Variants in BCL9 observed in about 807,000 individuals in gnomAD.
The protein encoded by BCL9 is B-cell CLL/lymphoma 9 protein.
A neutral mutation model predicts 88.5 loss-of-function variants in BCL9; 25 were observed. The observed-to-expected ratio is 0.28, with a 90% confidence interval of 0.21 to 0.39. The LOEUF is 0.39. Ranked by LOEUF, BCL9 falls within the 10% of genes least tolerant of loss-of-function variation. BCL9 has a pLI of 1.00. For synonymous variants in BCL9, 711 were observed against 673.3 expected, an observed-to-expected ratio of 1.06 and a Z score of -0.87; for missense variants, 1,817 against 1,877.8, an observed-to-expected ratio of 0.97 and a Z score of 0.60.
chr1:147,586,868 C>T (rs1320309617), intron 1 of BCL9, among the ~76,000 whole-genome samples: 1 of 152,144 alleles, frequency 6.6e-6, no homozygotes, highest in Non-Finnish European at 1.5e-5. Flanking sequence ...ACTCCTTAGC[C>T]TTAAATTTAA....
chr1:147,605,116 A>G (rs1553201807), intron 2 of BCL9, among the ~76,000 whole-genome samples: 7 of 152,234 alleles, frequency 4.6e-5, no homozygotes, highest in African/African-American at 1.7e-4. Context: ...GACTTGTACA[A>G]TAACTCATTT....
At chr1:147,593,487 G>T (rs926604443) in intron 1 of BCL9, among the ~76,000 whole-genome samples, 1 of 151,966 alleles carries the variant, frequency 6.6e-6, no homozygotes, top group African/African-American at 2.4e-5. Flanking sequence ...TCTTCTGTAC[G>T]CCCAAAACAC....
chr1:147,620,740 C>T lies in BCL9; in HGVS notation c.2585C>T (p.Pro862Leu), dbSNP rs782558248. The T allele has an allele frequency of 1.7e-5, 28 of 1,614,026 alleles. No individual in the cohort carries two copies. The highest frequency in any genetic ancestry group is 2.4e-5 in the Non-Finnish European group (28 of 1,180,054). ...CAGGTGCATTCCCCAGGCATTAACC[C>T]TCTGAAGTCTCCCACGATGCACCAA... is the stretch of plus-strand genomic sequence containing the variant. ...GSQVHSPGIN[P>L]LKSPTMHQVQ... Residue 862 changes from proline to leucine, a missense_variant, in exon 8 of 10, where the codon CCT becomes CTT. This residue lies in a region of BCL9 where 1,228 missense variants were observed against 1,191.6 expected (regional missense o/e 1.03). Transcript: ENST00000234739.
chr1:147,552,099 T>G (rs1485541852), intron 1 of BCL9, among the ~76,000 whole-genome samples: 2 of 152,024 alleles, frequency 1.3e-5, no homozygotes, highest in Non-Finnish European at 2.9e-5. Flanking sequence ...TACCAATGGA[T>G]CAAAAGAACT....
chr1:147,563,536 G>A (rs931306898), intron 1 of BCL9, among the ~76,000 whole-genome samples: 1 of 152,218 alleles, frequency 6.6e-6, no homozygotes, highest in Non-Finnish European at 1.5e-5. Context: ...AAAGTCAGGG[G>A]AAGGTATGAC....
intron 1 of BCL9, among the ~76,000 whole-genome samples, chr1:147,547,549 G>A (rs1553194373): frequency 6.6e-6 from 1 of 151,992 alleles, no homozygotes; most frequent in Non-Finnish European, 1.5e-5. Flanking sequence ...TTTCTCATCT[G>A]GAAAAAAATA....
Position 147,624,329 on chromosome 1 carries a change from C to A in BCL9, c.3651C>A (p.Asp1217Glu). 6.2e-7 allele frequency: 1 copy of A among 1,614,130 alleles called. No individual in the cohort carries two copies. The highest frequency in any genetic ancestry group is 8.5e-7 in the Non-Finnish European group (1 of 1,180,016). Residue 1217 changes from aspartate (D) to glutamate (E), a missense_variant, in exon 10 of 10, where the codon GAC becomes GAA. Around this residue, in one of 2 missense-constraint regions of BCL9, gnomAD observed 589 missense variants for 686.2 expected, o/e 0.86. Coordinates refer to ENST00000234739, the MANE Select transcript of BCL9 (RefSeq NM_004326.4). This position sits in a 1 kb window ranked among gnomAD's most constrained non-coding sequence, Gnocchi z 4.4. ...LGNSMPSVFT[D>E]PDLQEVIRPG... is the part of the protein sequence containing the mutation. ...ACAGCATGCCTTCGGTGTTTACAGACCCAGATCTGCAGGAGGTCATCCGAC... is the reference window on the plus strand; with the variant it reads ...ACAGCATGCCTTCGGTGTTTACAGAACCAGATCTGCAGGAGGTCATCCGAC...
intron 1 of BCL9, among the ~76,000 whole-genome samples, chr1:147,559,391 G>C (rs1440672821): frequency 1.3e-5 from 2 of 151,878 alleles, no homozygotes; most frequent in Non-Finnish European, 2.9e-5. Context: ...TCTCTCTCTT[G>C]TCTATAAACA....
intron 2 of BCL9, among the ~76,000 whole-genome samples, chr1:147,606,583 G>A (rs925070620): frequency 7.9e-5 from 12 of 152,190 alleles, no homozygotes; most frequent in African/African-American, 2.9e-4. Flanking sequence ...AGCCACAAGA[G>A]CCTTGAACTG....
chr1:147,561,564 T>C (rs1655375406), intron 1 of BCL9, among the ~76,000 whole-genome samples: 1 of 152,244 alleles, frequency 6.6e-6, no homozygotes, highest in African/African-American at 2.4e-5. Flanking sequence ...TGAATTTTAG[T>C]GTCTATTTGT....
rs781835939 is a variant in BCL9 at position 147,619,857 on chromosome 1, A to G, written c.1702A>G (p.Met568Val). Residue 568 changes from methionine to valine, a missense_variant, in exon 8 of 10, where the codon ATG becomes GTG. Around this residue, in one of 2 missense-constraint regions of BCL9, gnomAD observed 1,228 missense variants for 1,191.6 expected, o/e 1.03. Transcript: ENST00000234739. This position sits in a 1 kb window ranked among gnomAD's most constrained non-coding sequence, Gnocchi z 4.1. ...GATGCGCCTCCCTGGATTTGCAGGC[A>G]TGATAAACTCTGAAATGGAAGGGCC... ...SQMRLPGFAG[M>V]INSEMEGPNV... The G allele has an allele frequency of 3.1e-6, 5 of 1,613,368 alleles. No individual in the cohort carries two copies. In the Admixed American group the frequency reaches 8.3e-5, roughly 27 times the overall value.
At chr1:147,547,178 G>A (rs375527167) in intron 1 of BCL9, among the ~76,000 whole-genome samples, 10 of 152,126 alleles carry the variant, frequency 6.6e-5, no homozygotes, top group South Asian at 2.1e-4. Context: ...GATATGTTAC[G>A]TATGTGTATG....
chr1:147,605,227 C>T (rs1424790542), intron 2 of BCL9, among the ~76,000 whole-genome samples: 1 of 152,160 alleles, frequency 6.6e-6, no homozygotes, highest in Non-Finnish European at 1.5e-5. Flanking sequence ...TACACAAGCC[C>T]CAAGCTCATT....
rs200045051 is a variant in BCL9 at position 147,624,481 on chromosome 1, C to G, written c.3803C>G (p.Pro1268Arg). The change falls in exon 10 of 10, where the codon CCT becomes CGT. Residue 1268 changes from proline to arginine, a missense_variant. Pro to Arg is a moderately radical substitution (Grantham distance 103, BLOSUM62 -2). Transcript: ENST00000234739. This position sits in a 1 kb window ranked among gnomAD's most constrained non-coding sequence, Gnocchi z 4.4. ...PGRKQPQGPG[P>R]GFSHMQGMMG... is the part of the protein sequence containing the mutation. ...CGTAAACAGCCCCAGGGTCCTGGACCTGGGTTTTCACACATGCAGGGGATG... is the reference window on the plus strand; with the variant it reads ...CGTAAACAGCCCCAGGGTCCTGGACGTGGGTTTTCACACATGCAGGGGATG... The G allele has an allele frequency of 1.2e-6, 2 of 1,614,230 alleles. No individual in the cohort carries two copies. Among genetic ancestry groups the G allele is most frequent in the East Asian group, 4.5e-5 (2 of 44,884 alleles).
chr1:147,566,465 G>A (rs1553196683), intron 1 of BCL9, among the ~76,000 whole-genome samples: 1 of 152,124 alleles, frequency 6.6e-6, no homozygotes, highest in Non-Finnish European at 1.5e-5. Flanking sequence ...AAAGTCATGG[G>A]CCGGCCATGG....
At chr1:147,545,902 G>A (rs1482448626) in intron 1 of BCL9, among the ~76,000 whole-genome samples, 1 of 152,110 alleles carries the variant, frequency 6.6e-6, no homozygotes, top group Non-Finnish European at 1.5e-5. Context: ...CTCACCCAAG[G>A]ACTCACAAGA....
At chr1:147,552,975 A>G (rs1337501383) in intron 1 of BCL9, among the ~76,000 whole-genome samples, 1 of 148,948 alleles carries the variant, frequency 6.7e-6, no homozygotes, top group Non-Finnish European at 1.5e-5. Context: ...GGAATTTCCA[A>G]TTTTTTTTTT....
At chr1:147,546,387 T>C (rs76665248) in intron 1 of BCL9, among the ~76,000 whole-genome samples, 5 of 151,788 alleles carry the variant, frequency 3.3e-5, no homozygotes, top group Non-Finnish European at 7.4e-5. Flanking sequence ...ATCCCCCCCC[T>C]TTTTTTAAAA....
chr1:147,618,400 C>T (rs1553204173), intron 7 of BCL9, among the ~76,000 whole-genome samples: 1 of 152,076 alleles, frequency 6.6e-6, no homozygotes. Context: ...GTCTACATAC[C>T]CAGTTATACT....
Sources: gnomAD v4.1 joint callset for allele counts (sites outside exome capture counted in the v4.1 genomes callset) on GRCh38, gnomAD v4.1.1 for gene constraint, gnomAD v4.1.1 regional missense constraint, Gnocchi (gnomAD v3.1) non-coding constraint, MANE v1.5 for transcripts, NCBI Gene and HGNC (gene_info 2026-07-23, HGNC 2026-07-21) for gene names.